ZNF670: variants seen among roughly 807,000 people sequenced by gnomAD.
ZNF670 encodes the protein zinc finger protein 670.
In ZNF670, 7 loss-of-function variants were observed where a neutral mutation model predicts 10.9. That is an observed-to-expected ratio of 0.64 (90% confidence interval 0.36 to 1.20). The LOEUF (loss-of-function observed/expected upper bound fraction) is 1.20, where lower values mean the gene tolerates loss of function less well. ZNF670 is among the 50% of genes most tolerant of loss of function. The pLI is 0.02. For synonymous variants in ZNF670, 136 were observed against 152.7 expected, an observed-to-expected ratio of 0.89 and a Z score of 0.81; for missense variants, 446 against 458.6, an observed-to-expected ratio of 0.97 and a Z score of 0.25.
At chr1:247,058,176 A>G (rs948435489) in intron 1 of ZNF670, among the ~76,000 whole-genome samples, 1 of 152,214 alleles carries the variant, frequency 6.6e-6, no homozygotes, top group African/African-American at 2.4e-5. Context: ...AACATATAAA[A>G]TATGCCCTAA....
chr1:247,074,881 C>A (rs1194099245), intron 1 of ZNF670, among the ~76,000 whole-genome samples: 1 of 152,126 alleles, frequency 6.6e-6, no homozygotes, highest in African/African-American at 2.4e-5. Context: ...GGTTGGGGAC[C>A]CCTGCTTTAT....
intron 1 of ZNF670, among the ~76,000 whole-genome samples, chr1:247,041,650 T>G (rs902059421): frequency 6.6e-5 from 10 of 152,208 alleles, no homozygotes. Context: ...CCAGAGAATT[T>G]ACGGTGCATT....
chr1:247,069,582 T>C (rs971387129), intron 1 of ZNF670, among the ~76,000 whole-genome samples: 20 of 149,128 alleles, frequency 1.3e-4, no homozygotes, highest in Non-Finnish European at 2.2e-4. Context: ...TAGCCAAAAT[T>C]TGGAAACAAC....
chr1:247,041,545 G>A (rs373036836), intron 1 of ZNF670, among the ~76,000 whole-genome samples: 1 of 152,060 alleles, frequency 6.6e-6, no homozygotes, highest in African/African-American at 2.4e-5. Flanking sequence ...ATGGCAAACG[G>A]GTTACTCACG....
intron 1 of ZNF670, 125 bp downstream of exon 1, chr1:247,078,469 G>T: frequency 1.6e-6 from 2 of 1,236,750 alleles, no homozygotes; most frequent in Non-Finnish European, 2.3e-6. Context: ...CGCATCCTGT[G>T]CCACTAAGGC....
chr1:247,038,082 AT>A lies in ZNF670; in HGVS notation c.536del (p.Asp179ValfsTer106), dbSNP rs776928960. The A allele has an allele frequency of 5.0e-6, 8 of 1,614,184 alleles. No homozygotes were observed. Among genetic ancestry groups the A allele is most frequent in the Middle Eastern group, 1.6e-4 (1 of 6,062 alleles). ...GAGGCATTTGAAATACACTAGGAAAATCAAAAGGCTTCTCATACACTGGACC... is the reference window on the plus strand; with the variant it reads ...GAGGCATTTGAAATACACTAGGAAAACAAAAGGCTTCTCATACACTGGACC... ...YKGPVYEKPF[D>X]FPSVFQMPQS... On this transcript the variant is annotated frameshift_variant, in exon 4 of 4. Coordinates refer to ENST00000366503, the MANE Select transcript of ZNF670 (RefSeq NM_033213.5). LOFTEE classifies it low-confidence loss of function (END_TRUNC).
Position 247,039,462 on chromosome 1 carries a change from T to G in ZNF670, c.79A>C (p.Asn27His). 6.2e-7 allele frequency: 1 copy of G among 1,608,976 alleles called. No individual in the cohort carries two copies. Among genetic ancestry groups the G allele is most frequent in the Non-Finnish European group, 8.5e-7 (1 of 1,178,174 alleles). ...TCTTGCATCACATCTCTGTAGAGAT[T>G]CTTTTGAGAAGGATCCAGCAAAGCC... Reference protein sequence around the residue: ...EWALLDPSQKNLYRDVMQEIF... With the variant: ...EWALLDPSQKHLYRDVMQEIF... The change falls in exon 2 of 4, where the codon AAT becomes CAT. Residue 27 changes from asparagine (N) to histidine (H), a missense_variant. Coordinates refer to ENST00000366503, the MANE Select transcript of ZNF670 (RefSeq NM_033213.5).
At chr1:247,040,991 T>C (rs1670293503) in intron 1 of ZNF670, among the ~76,000 whole-genome samples, 1 of 152,146 alleles carries the variant, frequency 6.6e-6, no homozygotes, top group South Asian at 2.1e-4. Context: ...GCCTGGCCTG[T>C]AAGCAGGAAT....
chr1:247,071,452 A>G (rs78805933), intron 1 of ZNF670, among the ~76,000 whole-genome samples: 2,088 of 152,366 alleles, frequency 0.014, 16 homozygotes, highest in Non-Finnish European at 0.024. Context: ...AGTTAAATAA[A>G]CACTGGTCAT....
chr1:247,041,059 G>C (rs1572555920), intron 1 of ZNF670, among the ~76,000 whole-genome samples: 1 of 152,154 alleles, frequency 6.6e-6, no homozygotes, highest in African/African-American at 2.4e-5. Flanking sequence ...GAAATCAAAA[G>C]CACTTTAAAA....
chr1:247,038,739 T>C (rs1044234818), intron 3 of ZNF670, 71 bp downstream of exon 3: 2 of 1,364,270 alleles, frequency 1.5e-6, no homozygotes, highest in Non-Finnish European at 2.0e-6. Context: ...AGTTGTTTTG[T>C]CTGTTTTAAA....
chr1:247,063,553 A>G (rs1670911320), intron 1 of ZNF670, among the ~76,000 whole-genome samples: 2 of 143,850 alleles, frequency 1.4e-5, no homozygotes, highest in Admixed American at 7.1e-5. Flanking sequence ...ACTGCACTCC[A>G]GCCTGGGCGA....
chr1:247,056,728 A>G (rs1670723350), intron 1 of ZNF670, among the ~76,000 whole-genome samples: 1 of 152,306 alleles, frequency 6.6e-6, no homozygotes, highest in East Asian at 1.9e-4. Context: ...TGACAAAGGT[A>G]CCAAGAACAC....
At chr1:247,046,359 G>A (rs1187955029) in intron 1 of ZNF670, among the ~76,000 whole-genome samples, 1 of 152,174 alleles carries the variant, frequency 6.6e-6, no homozygotes, top group South Asian at 2.1e-4. Flanking sequence ...GGGGTACCAG[G>A]TCGAAAGCAT....
At chr1:247,048,131 A>G (rs748620269) in intron 1 of ZNF670, among the ~76,000 whole-genome samples, 3 of 152,216 alleles carry the variant, frequency 2.0e-5, no homozygotes, top group Non-Finnish European at 4.4e-5. Context: ...TCTTTTAAAC[A>G]TAAGTTTCAA....
In ZNF670 at chr1:247,039,512, G is replaced by C; in HGVS notation, c.29C>G (p.Ala10Gly). 1 of 1,598,974 alleles carries C rather than the reference G, an allele frequency of 6.3e-7. No homozygotes were observed. Among genetic ancestry groups the C allele is most frequent in the Non-Finnish European group, 8.5e-7 (1 of 1,174,260 alleles). Residue 10 changes from alanine (A) to glycine (G), a missense_variant, in exon 2 of 4, where the codon GCT becomes GGT. Coordinates refer to ENST00000366503, the MANE Select transcript of ZNF670 (RefSeq NM_033213.5). MDSVSFEDV[A>G]VAFTQEEWAL... ...CCACTCCTCCTGAGTAAAGGCCACA[G>C]CCACATCTTCAAATGACACTGAATC...
At chr1:247,042,707 TG>T in intron 1 of ZNF670, 1 of 339,836 alleles carries the variant, frequency 2.9e-6, no homozygotes, top group Non-Finnish European at 5.4e-6. Flanking sequence ...AAGAAAAAAA[TG>T]GAGACAGACA....
chr1:247,070,573 G>C (rs1572572834), intron 1 of ZNF670, among the ~76,000 whole-genome samples: 1 of 152,142 alleles, frequency 6.6e-6, no homozygotes, highest in East Asian at 1.9e-4. Context: ...ATAATCCTTG[G>C]TAAATATTTC....
chr1:247,046,028 G>A (rs1670437962), intron 1 of ZNF670, among the ~76,000 whole-genome samples: 1 of 152,166 alleles, frequency 6.6e-6, no homozygotes, highest in African/African-American at 2.4e-5. Context: ...AGAGTCTCCA[G>A]AGGAAGACAT....
Sources: allele counts gnomAD v4.1 joint callset (sites outside exome capture counted in the v4.1 genomes callset), GRCh38; gene constraint gnomAD v4.1.1; transcripts MANE v1.5; gene names NCBI Gene and HGNC (gene_info 2026-07-23, HGNC 2026-07-21).